The following TAAR8 variants were observed in gnomAD, a reference collection of about 807,000 sequenced individuals.
TAAR8 encodes trace amine associated receptor 8.
For synonymous variants in TAAR8, 157 were observed against 152.7 expected, an observed-to-expected ratio of 1.03 and a Z score of -0.21; for missense variants, 459 against 405.8, an observed-to-expected ratio of 1.13 and a Z score of -1.13.
exon 1 of TAAR8, chr6:132,553,603 C>T (rs371469740): frequency 6.2e-7 from 1 of 1,613,884 alleles, no homozygotes; most frequent in African/African-American, 1.3e-5. Context: ...TATAACTCAG[C>T]CATGAATCCT....
Position 132,553,478 on chromosome 6 carries a change from G to C in TAAR8, c.786G>C (p.Thr262=), listed in dbSNP as rs367973626. The C allele has an allele frequency of 3.5e-5, 57 of 1,613,918 alleles. 1 individual carries two copies. In the Admixed American group the frequency reaches 9.0e-4, roughly 25 times the overall value. The change falls in exon 1 of 1, where the codon ACG becomes ACC. Residue 262 remains threonine (T), a synonymous_variant. Transcript: ENST00000275200. ...AAGCAGCTAAAACCCTGGGGGTCAC[G>C]GTACTAGCATTTGTTATTTCATGGT...
exon 1 of TAAR8, chr6:132,553,485 G>A: frequency 6.2e-7 from 1 of 1,614,120 alleles, no homozygotes; most frequent in Non-Finnish European, 8.5e-7. Flanking sequence ...CACGGTACTA[G>A]CATTTGTTAT....
exon 1 of TAAR8, chr6:132,553,648 A>C: frequency 6.2e-7 from 1 of 1,613,348 alleles, no homozygotes; most frequent in Non-Finnish European, 8.5e-7. Flanking sequence ...TGGTTTAGGA[A>C]AGCCATAAAA....
At chr6:132,553,416 G>A in exon 1 of TAAR8, 1 of 1,614,136 alleles carries the variant, frequency 6.2e-7, no homozygotes. Context: ...ATCATCCTCA[G>A]AGAGTTATAA....
chr6:132,553,026 G>A (rs974372843), exon 1 of TAAR8: 3 of 1,614,224 alleles, frequency 1.9e-6, no homozygotes, highest in Non-Finnish European at 2.5e-6. Flanking sequence ...TTGCTGTGAT[G>A]TGGCATTTTG....
exon 1 of TAAR8, chr6:132,553,494 A>G: frequency 3.7e-6 from 6 of 1,614,034 alleles, no homozygotes; most frequent in Non-Finnish European, 5.1e-6. Context: ...AGCATTTGTT[A>G]TTTCATGGTT....
rs1334873650 is a variant in TAAR8 at position 132,553,468 on chromosome 6, T to TG, written c.781dup (p.Val261GlyfsTer16). 6.2e-7 allele frequency: 1 copy of TG among 1,614,128 alleles called. No homozygotes were observed. Among genetic ancestry groups the TG allele is most frequent in the East Asian group, 2.2e-5 (1 of 44,874 alleles). The stretch of plus-strand genomic sequence containing the variant: ...AGAGAGAGGAAAGCAGCTAAAACCC[T>TG]GGGGGTCACGGTACTAGCATTTGTT... On this transcript the variant is annotated frameshift_variant, in exon 1 of 1. Coordinates refer to ENST00000275200, the Ensembl canonical transcript of TAAR8. LOFTEE classifies it low-confidence loss of function (END_TRUNC).
chr6:132,553,569 G>A (rs1562357077), exon 1 of TAAR8: 10 of 1,614,000 alleles, frequency 6.2e-6, no homozygotes, highest in Non-Finnish European at 8.5e-6. Context: ...CTATATCTAT[G>A]AAATTTGCTG....
chr6:132,553,182 G>A lies in TAAR8; in HGVS notation c.490G>A (p.Gly164Ser), dbSNP rs201581058. ...CTGGATTCTGCCTCTCACGTACAGC[G>A]GTGCTGTGTTCTACACAGGTGTCAA... The change falls in exon 1 of 1, where the codon GGT becomes AGT. Residue 164 changes from glycine to serine, a missense_variant. Coordinates refer to ENST00000275200, the Ensembl canonical transcript of TAAR8. 2.1e-4 allele frequency: 334 copies of A among 1,614,076 alleles called. 2 individuals are homozygous for A. The Admixed American group carries it at 5.4e-3, about 26-fold the overall frequency.
At chr6:132,552,932 A>G (rs746051465) in exon 1 of TAAR8, 1 of 1,614,224 alleles carries the variant, frequency 6.2e-7, no homozygotes, top group Non-Finnish European at 8.5e-7. Flanking sequence ...ACTTCTTGGT[A>G]GGTGTGACTG....
exon 1 of TAAR8, chr6:132,552,788 A>C (rs905767744): frequency 6.2e-7 from 1 of 1,614,170 alleles, no homozygotes; most frequent in Non-Finnish European, 8.5e-7. Flanking sequence ...GGTCCCGGGT[A>C]ATTCTGTACA....
chr6:132,553,466 C>A (rs375287803), exon 1 of TAAR8: 1 of 1,613,998 alleles, frequency 6.2e-7, no homozygotes, highest in Admixed American at 1.7e-5. Flanking sequence ...CAGCTAAAAC[C>A]CTGGGGGTCA....
chr6:132,552,859 T>A lies in TAAR8; in HGVS notation c.167T>A (p.Val56Asp), dbSNP rs376422022. Residue 56 changes from valine (V) to aspartate (D), a missense_variant, in exon 1 of 1, where the codon GTT (valine) becomes GAT (aspartate). Physicochemically the swap from Val to Asp is radical, Grantham distance 152 (BLOSUM62 -3). Transcript: ENST00000275200. The stretch of plus-strand genomic sequence containing the variant: ...GGAAATCTCTTAGTAATGACTTCTG[T>A]TCTTCATTTTAAGCAGCTGCACTCT... 83 of 1,614,088 alleles carry A rather than the reference T, an allele frequency of 5.1e-5. No individual in the cohort carries two copies. The highest frequency in any genetic ancestry group is 7.0e-5 in the Non-Finnish European group (83 of 1,180,052).
chr6:132,552,890 C>T (rs1246888277), exon 1 of TAAR8: 2 of 1,614,208 alleles, frequency 1.2e-6, no homozygotes, highest in Non-Finnish European at 1.7e-6. Context: ...ACTCTCCAAC[C>T]AATTTTCTCA....
chr6:132,553,417 A>G (rs1288610123), exon 1 of TAAR8: 1 of 1,614,192 alleles, frequency 6.2e-7, no homozygotes, highest in Admixed American at 1.7e-5. Flanking sequence ...TCATCCTCAG[A>G]GAGTTATAAA....
exon 1 of TAAR8, chr6:132,552,939 A>C (rs1318960255): frequency 4.3e-6 from 7 of 1,614,128 alleles, no homozygotes; most frequent in Non-Finnish European, 5.9e-6. Flanking sequence ...GGTAGGTGTG[A>C]CTGTGATGCT....
exon 1 of TAAR8, chr6:132,552,827 T>C (rs1218356289): frequency 6.2e-7 from 1 of 1,614,232 alleles, no homozygotes. Flanking sequence ...CTTTGCTGGC[T>C]GTATTTGGAA....
At chr6:132,553,069 G>T (rs1357769299) in exon 1 of TAAR8, 1 of 1,614,178 alleles carries the variant, frequency 6.2e-7, no homozygotes, top group Non-Finnish European at 8.5e-7. Flanking sequence ...TGCTTCATCT[G>T]CATCGACAGG....
exon 1 of TAAR8, chr6:132,553,052 C>T (rs1776403201): frequency 6.2e-7 from 1 of 1,614,208 alleles, no homozygotes; most frequent in East Asian, 2.2e-5. Flanking sequence ...CTTCTGTCCT[C>T]CACTTGTGCT....
Sources: allele counts gnomAD v4.1 joint callset, GRCh38; gene constraint gnomAD v4.1.1; transcripts MANE v1.5; gene names NCBI Gene and HGNC (gene_info 2026-07-23, HGNC 2026-07-21).